ABL1: variants seen among roughly 807,000 people sequenced by gnomAD.
ABL1 encodes the protein tyrosine-protein kinase ABL1.
In ABL1, 11 loss-of-function variants were observed where a neutral mutation model predicts 94.7. That is an observed-to-expected ratio of 0.12 (90% CI 0.07 to 0.19). The LOEUF (loss-of-function observed/expected upper bound fraction) is 0.19. ABL1 is among the 10% of genes least tolerant of loss of function. The pLI, the probability that ABL1 is intolerant of heterozygous loss-of-function variation, is 1.00. For missense variants in ABL1, 1,082 were observed against 1,489.4 expected (o/e 0.73, Z 4.50); for synonymous variants, 656 against 622.4 (o/e 1.05, Z -0.80).
intron 1 of ABL1, among the ~76,000 whole-genome samples, chr9:130,847,019 TAGAC>T (rs1003368368): frequency 5.3e-5 from 8 of 152,182 alleles, no homozygotes; most frequent in African/African-American, 1.4e-4. Flanking sequence ...TATACTGTCA[TAGAC>T]AGAGCCAGAG....
intron 3 of ABL1, among the ~76,000 whole-genome samples, chr9:130,855,416 T>C (rs1415331402): frequency 6.6e-6 from 1 of 152,190 alleles, no homozygotes; most frequent in Admixed American, 6.5e-5. Flanking sequence ...AAAAAAAATA[T>C]TTTATAATGA....
intron 1 of ABL1, among the ~76,000 whole-genome samples, chr9:130,842,726 T>C (rs1259273932): frequency 6.6e-6 from 1 of 152,228 alleles, no homozygotes; most frequent in Non-Finnish European, 1.5e-5. Context: ...CAGCCATGGC[T>C]GGCAGCAGAA....
chr9:130,745,558 G>A (rs1345493491), intron 1 of ABL1, among the ~76,000 whole-genome samples: 1 of 151,336 alleles, frequency 6.6e-6, no homozygotes, highest in Non-Finnish European at 1.5e-5. Context: ...GCATATTCTG[G>A]TCTATAACAG....
At chr9:130,728,522 A>G (rs1831620670) in intron 1 of ABL1, among the ~76,000 whole-genome samples, 1 of 151,482 alleles carries the variant, frequency 6.6e-6, no homozygotes, top group Non-Finnish European at 1.5e-5. Flanking sequence ...AGTAGCTGGG[A>G]CTACAGGCGC....
intron 1 of ABL1, among the ~76,000 whole-genome samples, chr9:130,840,149 G>A (rs535696282): frequency 1.3e-5 from 2 of 152,320 alleles, no homozygotes; most frequent in African/African-American, 4.8e-5. Context: ...ACCAGTTTCT[G>A]TAATGGTTGA....
At chr9:130,839,492 C>G (rs1006068333) in intron 1 of ABL1, among the ~76,000 whole-genome samples, 4 of 152,152 alleles carry the variant, frequency 2.6e-5, no homozygotes, top group Non-Finnish European at 4.4e-5. Context: ...CATTGTTGAC[C>G]ATTTACAATG....
chr9:130,813,843 A>G (rs571635219), intron 1 of ABL1, among the ~76,000 whole-genome samples: 7 of 152,300 alleles, frequency 4.6e-5, no homozygotes, highest in South Asian at 2.1e-4. Flanking sequence ...ACATTTTTCA[A>G]TTTTATGATG....
At chr9:130,881,382 A>G (rs1831449865) in intron 10 of ABL1, among the ~76,000 whole-genome samples, 1 of 152,142 alleles carries the variant, frequency 6.6e-6, no homozygotes, top group Non-Finnish European at 1.5e-5. Context: ...AGACTGGGTA[A>G]TTTATAAAGG....
chr9:130,767,134 T>G (rs1162361869), intron 1 of ABL1, among the ~76,000 whole-genome samples: 1 of 152,224 alleles, frequency 6.6e-6, no homozygotes, highest in Non-Finnish European at 1.5e-5. Context: ...CGGAAAGACC[T>G]TCCCTGATGG....
intron 6 of ABL1, among the ~76,000 whole-genome samples, chr9:130,873,561 T>C (rs1038620764): frequency 5.3e-5 from 8 of 152,378 alleles, no homozygotes; most frequent in East Asian, 1.9e-4. Context: ...CTTAACTTGC[T>C]GTCCTCTGAT....
intron 1 of ABL1, among the ~76,000 whole-genome samples, chr9:130,779,358 C>G (rs1829725561): frequency 2.0e-5 from 3 of 152,238 alleles, no homozygotes; most frequent in African/African-American, 7.2e-5. Flanking sequence ...AGTCATCGTT[C>G]ATGATGGCAA....
intron 1 of ABL1, among the ~76,000 whole-genome samples, chr9:130,762,932 G>T (rs1162511185): frequency 1.4e-5 from 2 of 147,664 alleles, no homozygotes; most frequent in African/African-American, 5.1e-5. Context: ...AAAAAGAAAA[G>T]GAAACCTGAA....
At chr9:130,731,178 T>G (rs1831661350) in intron 1 of ABL1, among the ~76,000 whole-genome samples, 1 of 151,294 alleles carries the variant, frequency 6.6e-6, no homozygotes, top group Admixed American at 6.6e-5. Context: ...AGCTAGTTTT[T>G]GTGTTTTTAA....
chr9:130,872,918 C>T lies in ABL1; in HGVS notation c.966C>T (p.Asn322=). The change falls in exon 6 of 11, where the codon AAC becomes AAT. Residue 322 remains asparagine (N), a synonymous_variant. Coordinates refer to ENST00000318560, the MANE Select transcript of ABL1 (RefSeq NM_005157.6). This position sits in a 1 kb window ranked among gnomAD's most constrained non-coding sequence, Gnocchi z 5.0. The part of the protein sequence containing the change: ...YIITEFMTYG[N]LLDYLRECNR... ...TCACTGAGTTCATGACCTACGGGAA[C>T]CTCCTGGACTACCTGAGGGAGTGCA... The T allele has an allele frequency of 6.2e-7, 1 of 1,614,204 alleles. No homozygotes were observed.
chr9:130,786,253 G>A (rs144699013), intron 1 of ABL1, among the ~76,000 whole-genome samples: 2 of 152,294 alleles, frequency 1.3e-5, no homozygotes, highest in East Asian at 1.9e-4. Flanking sequence ...GCCGTCCCTC[G>A]TTGTCTGGTT....
chr9:130,781,836 T>C (rs1019313125), intron 1 of ABL1, among the ~76,000 whole-genome samples: 10 of 151,952 alleles, frequency 6.6e-5, no homozygotes, highest in Non-Finnish European at 1.3e-4. Flanking sequence ...GGGCAGGAAA[T>C]GAGAGAAGAG....
chr9:130,744,588 C>A (rs1389262035), intron 1 of ABL1, among the ~76,000 whole-genome samples: 1 of 151,118 alleles, frequency 6.6e-6, no homozygotes. Flanking sequence ...CGCAGTGGCT[C>A]ACGCCTGTAA....
At chr9:130,750,218 T>C (rs866148820) in intron 1 of ABL1, among the ~76,000 whole-genome samples, 4 of 134,656 alleles carry the variant, frequency 3.0e-5, no homozygotes, top group South Asian at 2.4e-4. Context: ...TATATATATA[T>C]ATATATATAT....
At chr9:130,849,618 A>T (rs1263167237) in intron 1 of ABL1, among the ~76,000 whole-genome samples, 6 of 152,128 alleles carry the variant, frequency 3.9e-5, no homozygotes, top group African/African-American at 1.4e-4. Context: ...TCCCAGGTTC[A>T]GGTGATTCTC....
Sources: allele counts gnomAD v4.1 joint callset (sites outside exome capture counted in the v4.1 genomes callset), GRCh38; gene constraint gnomAD v4.1.1; non-coding constraint Gnocchi (gnomAD v3.1); transcripts MANE v1.5; gene names NCBI Gene and HGNC (gene_info 2026-07-23, HGNC 2026-07-21).